The following PHLPP1 variants were observed in gnomAD, a reference collection of about 807,000 sequenced individuals.
PHLPP1 encodes the protein PH domain leucine-rich repeat-containing protein phosphatase 1.
PHLPP1 carries 42 observed loss-of-function variants against 117.2 expected under a neutral mutation model. The ratio of observed to expected loss-of-function variants is 0.36; its 90% CI spans 0.28 to 0.46. The LOEUF is 0.46. PHLPP1 is among the 20% of genes least tolerant of loss of function. The probability of loss-of-function intolerance (pLI) is 1.00; values close to 1 mark genes in which losing one functional copy is unlikely to be tolerated. For synonymous variants in PHLPP1, 1,042 were observed against 970.7 expected (o/e 1.07, Z -1.37); for missense variants, 2,084 against 2,241.9 (o/e 0.93, Z 1.42).
intron 1 of PHLPP1, among the ~76,000 whole-genome samples, chr18:62,817,345 A>G (rs530978264): frequency 6.6e-6 from 1 of 152,352 alleles, no homozygotes; most frequent in African/African-American, 2.4e-5. Flanking sequence ...TCATGAAAAT[A>G]AAAGAAAGCA....
chr18:62,924,932 CAG>C (rs1292437490), intron 10 of PHLPP1, among the ~76,000 whole-genome samples: 2 of 151,564 alleles, frequency 1.3e-5, no homozygotes, highest in African/African-American at 4.9e-5. Flanking sequence ...AAATAACAAA[CAG>C]GGGAATCTAT....
At chr18:62,794,329 T>C (rs1599050834) in intron 1 of PHLPP1, among the ~76,000 whole-genome samples, 1 of 152,126 alleles carries the variant, frequency 6.6e-6, no homozygotes, top group East Asian at 1.9e-4. Flanking sequence ...GGAATGACTT[T>C]TCATTCCACA....
At chr18:62,888,337 G>GTGTGTAT (rs1168141605) in intron 4 of PHLPP1, among the ~76,000 whole-genome samples, 1 of 114,630 alleles carries the variant, frequency 8.7e-6, no homozygotes, top group Non-Finnish European at 2.0e-5. Flanking sequence ...GTGTGTGTAT[G>GTGTGTAT]TTTTTTTTTT....
chr18:62,925,578 C>T (rs1026496461), intron 10 of PHLPP1, among the ~76,000 whole-genome samples: 2 of 152,034 alleles, frequency 1.3e-5, no homozygotes, highest in African/African-American at 4.8e-5. Context: ...AGAGCATGAT[C>T]GATTGACCAT....
chr18:62,956,496 G>A (rs1910614935), intron 12 of PHLPP1, among the ~76,000 whole-genome samples: 1 of 152,146 alleles, frequency 6.6e-6, no homozygotes, highest in Non-Finnish European at 1.5e-5. Flanking sequence ...TCAGACCATA[G>A]CAGATGGGAA....
Position 62,716,105 on chromosome 18 carries a change from C to T in PHLPP1, c.422C>T (p.Ser141Leu). 3 of 1,506,004 alleles carry T rather than the reference C, an allele frequency of 2.0e-6. No individual in the cohort carries two copies. Among genetic ancestry groups the T allele is most frequent in the Non-Finnish European group, 1.8e-6 (2 of 1,135,048 alleles). The allele number at this position is 1,506,004 out of a possible 1,614,324, so 93.3% of individuals were successfully genotyped here. A position where few individuals can be genotyped will look rare whatever the true frequency, so the allele number is the denominator to read the frequency against. ...GCCGCCGCGGCCGCCTCCTCGTCGT[C>T]GTCGTCCTCGGCCGCTGCTGCCTCG... ...SAAAAAASSS[S>L]SSSAAAASHS... Residue 141 changes from serine to leucine, a missense_variant, in exon 1 of 17, where the codon TCG (serine) becomes TTG (leucine). This residue lies in a region of PHLPP1 where 719 missense variants were observed against 636.0 expected (regional missense o/e 1.13). Transcript: ENST00000262719. The surrounding 1 kb of genome is among the most constrained non-coding windows in gnomAD (Gnocchi z 5.7).
At chr18:62,822,535 C>T (rs761869497) in intron 1 of PHLPP1, among the ~76,000 whole-genome samples, 5 of 151,978 alleles carry the variant, frequency 3.3e-5, no homozygotes, top group African/African-American at 7.2e-5. Flanking sequence ...CCGCCCGCCT[C>T]GGACTCCCAC....
At position 62,715,848 on chromosome 18, in the gene PHLPP1, G is replaced by T; in HGVS notation, c.165G>T (p.Leu55=). 1 of 771,562 alleles carries T rather than the reference G, an allele frequency of 1.3e-6. No homozygotes were observed. The highest frequency in any genetic ancestry group is 5.6e-5 in the South Asian group (1 of 17,802). 47.8% of individuals were successfully genotyped at this position (771,562 alleles called of 1,614,324 possible). Residue 55 remains leucine, a synonymous_variant, in exon 1 of 17, where the codon CTG becomes CTT. Transcript: ENST00000262719. ...AGGGRSPEPA[L]TPAAPSGGNG... is the part of the protein sequence containing the mutation. ...GCGGCCGGAGTCCGGAGCCCGCGCT[G>T]ACCCCGGCGGCCCCGAGCGGCGGGA... is the stretch of plus-strand genomic sequence containing the variant.
chr18:62,941,946 T>G, intron 11 of PHLPP1, 28 bp downstream of exon 11: 1 of 1,532,842 alleles, frequency 6.5e-7, no homozygotes. Context: ...AGCTGCGTTC[T>G]GAATTGCATT....
intron 1 of PHLPP1, among the ~76,000 whole-genome samples, chr18:62,801,485 G>A (rs535464756): frequency 8.6e-5 from 13 of 150,736 alleles, no homozygotes; most frequent in South Asian, 6.3e-4. Flanking sequence ...CCCTCTGTCC[G>A]TCCGTCGCCC....
intron 10 of PHLPP1, among the ~76,000 whole-genome samples, chr18:62,921,323 A>T (rs1909461100): frequency 6.6e-6 from 1 of 152,260 alleles, no homozygotes; most frequent in South Asian, 2.1e-4. Context: ...GAAGAGAAGG[A>T]AATGATGACA....
intron 9 of PHLPP1, among the ~76,000 whole-genome samples, chr18:62,918,946 A>G (rs1909380079): frequency 6.6e-6 from 1 of 152,182 alleles, no homozygotes; most frequent in Admixed American, 6.5e-5. Flanking sequence ...AACATGTTTT[A>G]CACCATAAAT....
rs1449995096 is a variant in PHLPP1, at chr18:62,920,067, C to T, written c.2913C>T (p.His971=). ...RTSVEVLDVQ[H]NQLLELPPNL... is the part of the protein sequence containing the mutation. Reference sequence around the variant, plus strand: ...CGGTGGAGGTCTTGGATGTGCAACACAACCAGCTCCTTGAGCTCCCACCTA... The same window carrying T: ...CGGTGGAGGTCTTGGATGTGCAACATAACCAGCTCCTTGAGCTCCCACCTA... The change falls in exon 10 of 17, where the codon CAC becomes CAT. Residue 971 remains histidine, a synonymous_variant. Coordinates refer to ENST00000262719, the MANE Select transcript of PHLPP1 (RefSeq NM_194449.4). 1 of 1,613,706 alleles carries T rather than the reference C, an allele frequency of 6.2e-7. No individual in the cohort carries two copies. Among genetic ancestry groups the T allele is most frequent in the Admixed American group, 1.7e-5 (1 of 59,978 alleles).
intron 1 of PHLPP1, among the ~76,000 whole-genome samples, chr18:62,762,102 G>A (rs1912263839): frequency 6.6e-6 from 1 of 151,930 alleles, no homozygotes; most frequent in Non-Finnish European, 1.5e-5. Context: ...TAAGTGCTAT[G>A]AGTATTCCTC....
chr18:62,724,053 A>G (rs1414870495), intron 1 of PHLPP1, among the ~76,000 whole-genome samples: 2 of 152,172 alleles, frequency 1.3e-5, no homozygotes, highest in Admixed American at 1.3e-4. Context: ...GACCTAATGT[A>G]CACAAGTCAG....
chr18:62,952,983 G>A (rs1295486084), intron 12 of PHLPP1, among the ~76,000 whole-genome samples: 1 of 152,140 alleles, frequency 6.6e-6, no homozygotes, highest in East Asian at 1.9e-4. Flanking sequence ...TGTGTTTAGG[G>A]TAAAAGTTGA....
At chr18:62,807,211 T>C (rs1477759698) in intron 1 of PHLPP1, among the ~76,000 whole-genome samples, 2 of 152,280 alleles carry the variant, frequency 1.3e-5, no homozygotes, top group East Asian at 3.9e-4. Context: ...TCTTCTTTGT[T>C]ACATAGTTAT....
intron 1 of PHLPP1, among the ~76,000 whole-genome samples, chr18:62,801,426 T>A (rs2144300582): frequency 6.6e-6 from 1 of 152,004 alleles, no homozygotes; most frequent in South Asian, 2.1e-4. Context: ...GTAGGTTTGA[T>A]GCTAAAGAGA....
chr18:62,752,300 T>C (rs1045084268), intron 1 of PHLPP1, among the ~76,000 whole-genome samples: 7 of 152,276 alleles, frequency 4.6e-5, no homozygotes, highest in Admixed American at 1.3e-4. Flanking sequence ...TAGTAGTAAG[T>C]TGGGAGTTGA....
Sources: allele counts gnomAD v4.1 joint callset (sites outside exome capture counted in the v4.1 genomes callset), GRCh38; gene constraint gnomAD v4.1.1; regional missense constraint gnomAD v4.1.1; non-coding constraint Gnocchi (gnomAD v3.1); transcripts MANE v1.5; gene names NCBI Gene and HGNC (gene_info 2026-07-23, HGNC 2026-07-21).